Variants in MFAP4 observed in about 807,000 individuals in gnomAD.
MFAP4 encodes microfibril associated protein 4, also known as microfibril-associated glycoprotein 4.
A neutral mutation model predicts 32.4 loss-of-function variants in MFAP4; 20 were observed. The ratio of observed to expected loss-of-function variants is 0.62; its 90% CI spans 0.43 to 0.90. The LOEUF (loss-of-function observed/expected upper bound fraction) is 0.90, where lower values mean the gene tolerates loss of function less well. MFAP4 is among the 40% of genes least tolerant of loss of function. The pLI is 0.00. For synonymous variants in MFAP4, 146 were observed against 137.4 expected (o/e 1.06, Z -0.44); for missense variants, 267 against 329.5 (o/e 0.81, Z 1.47).
Position 19,384,696 on chromosome 17 carries a change from G to A in MFAP4, c.534C>T (p.Ser178=). ...FEDGGAGDSL[S]YHSGQKFSTF... is the part of the protein sequence containing the mutation. ...TAGAGAACTTCTGGCCACTGTGGTAGGACAGGGAGTCACCTGGCAGAGGAG... is the reference window on the plus strand; with the variant it reads ...TAGAGAACTTCTGGCCACTGTGGTAAGACAGGGAGTCACCTGGCAGAGGAG... Residue 178 remains serine (S), a synonymous_variant, in exon 6 of 6, where the codon TCC becomes TCT. Transcript: ENST00000299610. 1 of 1,614,138 alleles carries A rather than the reference G, an allele frequency of 6.2e-7. No individual in the cohort carries two copies. The highest frequency in any genetic ancestry group is 8.5e-7 in the Non-Finnish European group (1 of 1,180,024).
chr17:19,386,844 G>T lies in MFAP4; in HGVS notation c.7-6C>A, dbSNP rs373984654. 10 of 1,557,378 alleles carry T rather than the reference G, an allele frequency of 6.4e-6. No individual in the cohort carries two copies. The Admixed American group carries it at 1.4e-4, about 21-fold the overall frequency. ...AGCGGCAGGGCCAGGAGTGCCTGGC[G>T]ATGGGCAGACAGGGTCAGCACAGCC... On this transcript the variant is annotated splice_region_variant and splice_polypyrimidine_tract_variant and intron_variant, in intron 1 of 5. Coordinates refer to ENST00000299610, the MANE Select transcript of MFAP4 (RefSeq NM_002404.3).
At chr17:19,386,976 T>TCCCCCCCCCC in intron 1 of MFAP4, 138 bp from the exon 2 acceptor site, 2 of 590,546 alleles carry the variant, frequency 3.4e-6, no homozygotes, top group Admixed American at 3.0e-5. Context: ...CCCTCTTCCC[T>TCCCCCCCCCC]GCCCCCCCAC....
rs1567927473 is a variant in MFAP4, at chr17:19,387,120, C to T, written c.6+30G>A. On this transcript the variant is annotated intron_variant, in intron 1 of 5. Coordinates refer to ENST00000299610, the MANE Select transcript of MFAP4 (RefSeq NM_002404.3). ...CTGGAGTGGGCTCAGTTCCCCCATGCTATGAGTCCCCCGACCCTGGGCCCC... is the reference window on the plus strand; with the variant it reads ...CTGGAGTGGGCTCAGTTCCCCCATGTTATGAGTCCCCCGACCCTGGGCCCC... The T allele has an allele frequency of 3.1e-6, 5 of 1,612,602 alleles. No individual in the cohort carries two copies. In the South Asian group the frequency reaches 3.3e-5, roughly 11 times the overall value.
intron 3 of MFAP4, 67 bp downstream of exon 3, chr17:19,386,243 G>A: frequency 1.4e-6 from 2 of 1,393,126 alleles, no homozygotes; most frequent in Non-Finnish European, 1.9e-6. Context: ...GTTCGCATAT[G>A]TGAAGCCCAG....
rs201811226 is a variant in MFAP4, at chr17:19,386,482, G to T, written c.86-18C>A. ...CTCCAGAGCTGGGGGTAGGGACATGGGGACAGTGAGGAGAGTGGGACTATG... is the reference window on the plus strand; with the variant it reads ...CTCCAGAGCTGGGGGTAGGGACATGTGGACAGTGAGGAGAGTGGGACTATG... On this transcript the variant is annotated intron_variant, in intron 2 of 5. Coordinates refer to ENST00000299610, the MANE Select transcript of MFAP4 (RefSeq NM_002404.3). 6.1e-5 allele frequency: 98 copies of T among 1,603,854 alleles called. No individual in the cohort carries two copies. Among genetic ancestry groups the T allele is most frequent in the Middle Eastern group, 1.7e-4 (1 of 6,014 alleles).
chr17:19,386,977 G>GGGCCCCCCCCCCCCCCCCCCCCCCCC, intron 1 of MFAP4, 139 bp from the exon 2 acceptor site: 1 of 689,440 alleles, frequency 1.5e-6, no homozygotes, highest in Non-Finnish European at 2.4e-6. Context: ...CCTCTTCCCT[G>GGGCCCCCCCCCCCCCCCCCCCCCCCC]CCCCCCCACC....
rs566708198 is a variant in MFAP4, at chr17:19,385,163, G to A, written c.456C>T (p.Asn152=). ...AGCCATCCTCCTCTGCGCTGACCGCGTTCGGGGAGATGGAGAAGTCAGCGT... is the reference window on the plus strand; with the variant it reads ...AGCCATCCTCCTCTGCGCTGACCGCATTCGGGGAGATGGAGAAGTCAGCGT... ...AKYADFSISP[N]AVSAEEDGYT... Residue 152 remains asparagine (N), a synonymous_variant, in exon 5 of 6, where the codon AAC becomes AAT. Transcript: ENST00000299610. 2.5e-5 allele frequency: 40 copies of A among 1,614,286 alleles called. No homozygotes were observed. Among genetic ancestry groups the A allele is most frequent in the East Asian group, 4.5e-5 (2 of 44,882 alleles).
At chr17:19,386,977 G>GGGGCCCCCCCCCCCCC in intron 1 of MFAP4, 139 bp from the exon 2 acceptor site, 10 of 689,216 alleles carry the variant, frequency 1.5e-5, no homozygotes, top group African/African-American at 2.4e-5. Flanking sequence ...CCTCTTCCCT[G>GGGGCCCCCCCCCCCCC]CCCCCCCACC....
chr17:19,386,972 T>TGCCAGGGGGCCCCCC, intron 1 of MFAP4, 134 bp from the exon 2 acceptor site: 1 of 937,014 alleles, frequency 1.1e-6, no homozygotes, highest in Non-Finnish European at 1.7e-6. Flanking sequence ...TGGCCCCTCT[T>TGCCAGGGGGCCCCCC]CCCTGCCCCC....
At chr17:19,386,977 G>GGGCCCCCCCCCCCCCCCCC in intron 1 of MFAP4, 139 bp from the exon 2 acceptor site, 5 of 689,402 alleles carry the variant, frequency 7.3e-6, no homozygotes, top group Non-Finnish European at 1.2e-5. Flanking sequence ...CCTCTTCCCT[G>GGGCCCCCCCCCCCCCCCCC]CCCCCCCACC....
chr17:19,386,976 T>TTCCCCCCC, intron 1 of MFAP4, 138 bp from the exon 2 acceptor site: 2 of 590,546 alleles, frequency 3.4e-6, no homozygotes, highest in East Asian at 4.0e-5. Context: ...CCCTCTTCCC[T>TTCCCCCCC]GCCCCCCCAC....
chr17:19,386,972 T>TGCCGGGGGGCCCCCCCCCCCC, intron 1 of MFAP4, 134 bp from the exon 2 acceptor site: 10 of 937,000 alleles, frequency 1.1e-5, no homozygotes, highest in Non-Finnish European at 1.5e-5. Context: ...TGGCCCCTCT[T>TGCCGGGGGGCCCCCCCCCCCC]CCCTGCCCCC....
In MFAP4 at chr17:19,384,493, T is replaced by C; in HGVS notation, c.737A>G (p.Lys246Arg). 6.3e-7 allele frequency: 1 copy of C among 1,598,670 alleles called. No individual in the cohort carries two copies. Among genetic ancestry groups the C allele is most frequent in the Non-Finnish European group, 8.5e-7 (1 of 1,172,326 alleles). ...AQWKGFYYSL[K>R]RTEMKIRRA ...CCGGCGGATTTTCATCTCAGTGCGTTTGAGGGAGTAGTAGAAGCCCTTCCA... is the reference window on the plus strand; with the variant it reads ...CCGGCGGATTTTCATCTCAGTGCGTCTGAGGGAGTAGTAGAAGCCCTTCCA... The change falls in exon 6 of 6, where the codon AAA becomes AGA. Residue 246 changes from lysine to arginine, a missense_variant. Around this residue, in one of 3 missense-constraint regions of MFAP4, gnomAD observed 19 missense variants for 18.7 expected, o/e 1.02. Transcript: ENST00000299610.
At chr17:19,387,026 A>T in intron 1 of MFAP4, 124 bp downstream of exon 1, 1 of 1,154,480 alleles carries the variant, frequency 8.7e-7, no homozygotes, top group Non-Finnish European at 1.2e-6. Context: ...GACGCTGTGT[A>T]CCCTCATAGC....
intron 1 of MFAP4, 138 bp from the exon 2 acceptor site, chr17:19,386,976 T>TTG: frequency 2.5e-5 from 15 of 590,510 alleles, no homozygotes; most frequent in Non-Finnish European, 4.1e-5. Flanking sequence ...CCCTCTTCCC[T>TTG]GCCCCCCCAC....
intron 3 of MFAP4, 27 bp downstream of exon 3, chr17:19,386,283 T>C: frequency 6.5e-7 from 1 of 1,549,790 alleles, no homozygotes; most frequent in African/African-American, 1.4e-5. Flanking sequence ...GAACCAGCTC[T>C]GGCCTCTGTT....
At position 19,384,340 on chromosome 17, in the gene MFAP4, G is replaced by A; in HGVS notation, c.*122C>T. ...ATGTGGCATGGCTGAGAGCCACAAGGCCCCCTTGTAAGGAGTTGGTGCTCG... is the reference window on the plus strand; with the variant it reads ...ATGTGGCATGGCTGAGAGCCACAAGACCCCCTTGTAAGGAGTTGGTGCTCG... On this transcript the variant is annotated 3_prime_UTR_variant, in exon 6 of 6. Transcript: ENST00000299610. 8.1e-7 allele frequency: 1 copy of A among 1,227,552 alleles called. No individual in the cohort carries two copies. Among genetic ancestry groups the A allele is most frequent in the Non-Finnish European group, 1.1e-6 (1 of 895,418 alleles). The allele number at this position is 1,227,552 out of a possible 1,614,324, so 76.0% of individuals were successfully genotyped here.
rs539428151 is a variant in MFAP4, at chr17:19,384,633, G to A, written c.597C>T (p.Cys199=). ...DRDQDLFVQN[C]AALSSGAFWF... is the part of the protein sequence containing the mutation. ...AGAAGGCTCCTGAGGAGAGAGCTGC[G>A]CAGTTCTGCACAAAGAGGTCCTGGT... Residue 199 remains cysteine, a synonymous_variant, in exon 6 of 6, where the codon TGC becomes TGT. Transcript: ENST00000299610. The A allele has an allele frequency of 6.2e-6, 10 of 1,614,188 alleles. No homozygotes were observed. Among genetic ancestry groups the A allele is most frequent in the South Asian group, 2.2e-5 (2 of 91,086 alleles).
At chr17:19,384,961 T>C (rs2240099) in intron 5 of MFAP4, 138 bp downstream of exon 5, 1 of 1,223,776 alleles carries the variant, frequency 8.2e-7, no homozygotes, top group Non-Finnish European at 1.1e-6. Context: ...GGTTTGAGCT[T>C]GTTTGGAGCC....
Sources: gnomAD v4.1 joint callset for allele counts on GRCh38, gnomAD v4.1.1 for gene constraint, gnomAD v4.1.1 regional missense constraint, MANE v1.5 for transcripts, NCBI Gene and HGNC (gene_info 2026-07-23, HGNC 2026-07-21) for gene names.